USP37: variants seen among roughly 807,000 people sequenced by gnomAD.
USP37 encodes ubiquitin specific peptidase 37.
Under a neutral mutation model 124.0 loss-of-function variants are expected in USP37, and 27 were observed. The observed-to-expected ratio is 0.22, with a 90% confidence interval of 0.16 to 0.30. The LOEUF (loss-of-function observed/expected upper bound fraction) is 0.30, where lower values mean the gene tolerates loss of function less well. Ranked by LOEUF, USP37 falls within the 10% of genes least tolerant of loss-of-function variation. USP37 has a pLI of 1.00. For synonymous variants in USP37, 365 were observed against 388.0 expected (o/e 0.94, Z 0.70); for missense variants, 889 against 1,140.4 (o/e 0.78, Z 3.17).
rs1689538020 is a variant in USP37, at chr2:218,453,246, GTGTTTTTTT to G, written c.*1675_*1683del. The G allele has an allele frequency of 6.6e-6, 1 of 151,154 alleles. No individual in the cohort carries two copies. The highest frequency in any genetic ancestry group is 2.5e-5 in the African/African-American group (1 of 40,694). The allele number at this position is 151,154 out of a possible 1,614,324, so 9.4% of individuals were successfully genotyped here. A position where few individuals can be genotyped will look rare whatever the true frequency, so the allele number is the denominator to read the frequency against. ...GTTGCATCTTCTGTGATGATGGTTT[GTGTTTTTTT>G]TGTTTTTGTTTTCGTTTTTTTTAAT... On this transcript the variant is annotated 3_prime_UTR_variant, in exon 26 of 26. Coordinates refer to ENST00000258399, the MANE Select transcript of USP37 (RefSeq NM_020935.3).
chr2:218,496,350 T>C (rs150808302), intron 13 of USP37, among the ~76,000 whole-genome samples: 177 of 152,198 alleles, frequency 1.2e-3, no homozygotes, highest in African/African-American at 4.0e-3. Flanking sequence ...AATAATAGCT[T>C]ATTAACATTA....
intron 23 of USP37, among the ~76,000 whole-genome samples, chr2:218,457,773 C>G (rs1163823389): frequency 6.6e-6 from 1 of 151,976 alleles, no homozygotes; most frequent in Non-Finnish European, 1.5e-5. Flanking sequence ...GAAGGCCAGG[C>G]GTGGTGGCTC....
At chr2:218,455,872 C>T (rs577991209) in intron 24 of USP37, among the ~76,000 whole-genome samples, 154 bp from the exon 25 acceptor site, 38 of 151,886 alleles carry the variant, frequency 2.5e-4, no homozygotes, top group African/African-American at 7.7e-4. Context: ...ATGGTGAAGC[C>T]CCGTCTCTAC....
chr2:218,499,370 C>CT (rs1689245662), intron 11 of USP37, among the ~76,000 whole-genome samples: 1 of 152,148 alleles, frequency 6.6e-6, no homozygotes, highest in Non-Finnish European at 1.5e-5. Context: ...GATTCACCAA[C>CT]TGTTATACTT....
At chr2:218,459,766 G>A (rs1316370151) in intron 23 of USP37, 24 bp downstream of exon 23, 1 of 1,592,014 alleles carries the variant, frequency 6.3e-7, no homozygotes, top group Non-Finnish European at 8.6e-7. Flanking sequence ...TTGACCAACT[G>A]TACTCAGGAA....
chr2:218,510,260 AG>A (rs1311262101), intron 10 of USP37, 120 bp from the exon 11 acceptor site: 1 of 1,045,628 alleles, frequency 9.6e-7, no homozygotes, highest in Non-Finnish European at 1.3e-6. Context: ...GGGAAATATC[AG>A]TAATAATGAT....
chr2:218,557,338 T>C (rs1239031960), intron 4 of USP37, among the ~76,000 whole-genome samples: 1 of 152,064 alleles, frequency 6.6e-6, no homozygotes, highest in Non-Finnish European at 1.5e-5. Context: ...ACTGCCAAAT[T>C]GGGCTGAGGA....
intron 11 of USP37, among the ~76,000 whole-genome samples, chr2:218,504,745 A>C (rs1339750344): frequency 6.6e-6 from 1 of 151,672 alleles, no homozygotes; most frequent in Non-Finnish European, 1.5e-5. Context: ...TAGCCTGCTC[A>C]TTTTATTTAT....
intron 3 of USP37, among the ~76,000 whole-genome samples, chr2:218,560,597 G>T (rs759369308): frequency 1.7e-4 from 26 of 152,110 alleles, no homozygotes; most frequent in Non-Finnish European, 5.9e-5. Context: ...TATCTATAGG[G>T]GCTAGCAGGT....
intron 16 of USP37, among the ~76,000 whole-genome samples, chr2:218,484,784 T>C (rs1691466039): frequency 1.3e-5 from 2 of 152,168 alleles, no homozygotes; most frequent in African/African-American, 4.8e-5. Flanking sequence ...TAAAAGAAAG[T>C]AAAGCACTCT....
At chr2:218,506,793 T>C (rs1467423016) in intron 11 of USP37, among the ~76,000 whole-genome samples, 1 of 151,844 alleles carries the variant, frequency 6.6e-6, no homozygotes, top group Non-Finnish European at 1.5e-5. Context: ...TCATTCTCAG[T>C]TTGAATTTTT....
At position 218,464,564 on chromosome 2, in the gene USP37, G is replaced by C. The variant is rs118076432; in HGVS notation, c.2467-1198C>G. 1.6e-4 allele frequency among the ~76,000 whole-genome samples: 24 copies of C among 152,246 alleles called. No homozygotes were observed. The East Asian group carries it at 4.6e-3, about 29-fold the overall frequency. Reference sequence around the variant, plus strand: ...AGATTTCTTAATCTGATTATCTGATGAACCCAAAGCAGGCCTCAAACAAGT... The same window carrying C: ...AGATTTCTTAATCTGATTATCTGATCAACCCAAAGCAGGCCTCAAACAAGT... On this transcript the variant is annotated intron_variant, in intron 21 of 25. Coordinates refer to ENST00000258399, the MANE Select transcript of USP37 (RefSeq NM_020935.3).
chr2:218,530,581 C>T (rs1691269426), intron 9 of USP37, among the ~76,000 whole-genome samples: 1 of 152,160 alleles, frequency 6.6e-6, no homozygotes, highest in Non-Finnish European at 1.5e-5. Context: ...AATAACCCTA[C>T]AATGACCTCT....
chr2:218,457,281 CA>C, intron 23 of USP37, 120 bp from the exon 24 acceptor site: 1 of 960,818 alleles, frequency 1.0e-6, no homozygotes, highest in Non-Finnish European at 1.5e-6. Flanking sequence ...TAGTAAGAAT[CA>C]ATTAAAAAAT....
chr2:218,508,518 T>C (rs897100423), intron 11 of USP37, among the ~76,000 whole-genome samples: 10 of 152,010 alleles, frequency 6.6e-5, no homozygotes, highest in African/African-American at 2.4e-5. Context: ...AACTAAAATA[T>C]ATACAGGAGA....
At chr2:218,567,785 A>G (rs1006427632) in intron 1 of USP37, among the ~76,000 whole-genome samples, 1 of 152,220 alleles carries the variant, frequency 6.6e-6, no homozygotes, top group Admixed American at 6.5e-5. Context: ...TGCAGTGAGG[A>G]CTGGTCAAGA....
intron 22 of USP37, among the ~76,000 whole-genome samples, chr2:218,460,309 TA>T (rs1209977084): frequency 6.6e-6 from 1 of 151,204 alleles, no homozygotes; most frequent in Non-Finnish European, 1.5e-5. Flanking sequence ...ATTAGAAAGA[TA>T]AAATAGTTTG....
chr2:218,499,452 G>T (rs1325358262), intron 11 of USP37, among the ~76,000 whole-genome samples: 1 of 151,988 alleles, frequency 6.6e-6, no homozygotes, highest in Admixed American at 6.5e-5. Flanking sequence ...AGAGTAAGTT[G>T]CATTTATTAA....
chr2:218,468,937 C>T (rs535391247), intron 20 of USP37, among the ~76,000 whole-genome samples: 32 of 152,224 alleles, frequency 2.1e-4, no homozygotes, highest in South Asian at 1.7e-3. Flanking sequence ...AGGTGATCCA[C>T]CTGCCTTGGC....
Sources: gnomAD v4.1 joint callset for allele counts (sites outside exome capture counted in the v4.1 genomes callset) on GRCh38, gnomAD v4.1.1 for gene constraint, MANE v1.5 for transcripts, NCBI Gene and HGNC (gene_info 2026-07-23, HGNC 2026-07-21) for gene names.